ZSWIM5: variants seen among roughly 807,000 people sequenced by gnomAD.
The protein encoded by ZSWIM5 is zinc finger SWIM domain-containing protein 5.
Under a neutral mutation model 119.6 loss-of-function variants are expected in ZSWIM5, and 55 were observed. The ratio of observed to expected loss-of-function variants is 0.46; its 90% confidence interval spans 0.37 to 0.58. The LOEUF (loss-of-function observed/expected upper bound fraction) is 0.58. Among genes scored for constraint, ZSWIM5 ranks in the 20% least tolerant of loss-of-function variants. The pLI, the probability that ZSWIM5 is intolerant of heterozygous loss-of-function variation, is 0.00. For synonymous variants in ZSWIM5, 537 were observed against 606.9 expected (o/e 0.88, Z 1.69); for missense variants, 1,193 against 1,512.8 (o/e 0.79, Z 3.51).
At chr1:45,154,011 C>T (rs1645812874) in intron 1 of ZSWIM5, among the ~76,000 whole-genome samples, 1 of 151,936 alleles carries the variant, frequency 6.6e-6, no homozygotes, top group Admixed American at 6.6e-5. Context: ...GCTGGGAAAA[C>T]AATAAAATAC....
At position 45,204,157 on chromosome 1, in the gene ZSWIM5, T is replaced by C. The variant is rs116316437; in HGVS notation, c.595+1599A>G. 4.6e-3 allele frequency among the ~76,000 whole-genome samples: 700 copies of C among 152,280 alleles called. 8 individuals are homozygous for C. The highest frequency in any genetic ancestry group is 0.016 in the African/African-American group (659 of 41,582). On this transcript the variant is annotated intron_variant, in intron 1 of 13. Transcript: ENST00000359600. ...TTTAAAACTCTTCCTCTCTTTTATT[T>C]GTTCCCTCAAGTTTGAAAATTCTTC...
At position 45,018,658 on chromosome 1, in the gene ZSWIM5, G is replaced by C. The variant is rs373183135; in HGVS notation, c.3354C>G (p.Ala1118=). ...GGCGTGAGTGTGTAGTGTTGATATA[G>C]GCATTGATGGTGGCATCCAGCAACT... ...LRQLLDATIN[A]YINTTHSRLT... Residue 1118 remains alanine (A), a synonymous_variant, in exon 14 of 14, where the codon GCC becomes GCG. Coordinates refer to ENST00000359600, the MANE Select transcript of ZSWIM5 (RefSeq NM_020883.2). This position sits in a 1 kb window ranked among gnomAD's most constrained non-coding sequence, Gnocchi z 6.7. The C allele has an allele frequency of 1.5e-4, 236 of 1,614,254 alleles. No individual in the cohort carries two copies. In the African/African-American group the frequency reaches 2.7e-3, roughly 19 times the overall value.
chr1:45,203,858 A>G (rs1274602637), intron 1 of ZSWIM5, among the ~76,000 whole-genome samples: 1 of 152,120 alleles, frequency 6.6e-6, no homozygotes, highest in African/African-American at 2.4e-5. Context: ...CATAAACTTA[A>G]AGTGATAAAT....
intron 1 of ZSWIM5, among the ~76,000 whole-genome samples, chr1:45,094,415 T>A (rs372309181): frequency 5.3e-5 from 8 of 152,110 alleles, no homozygotes; most frequent in Non-Finnish European, 8.8e-5. Flanking sequence ...CCCAGGGTGA[T>A]CTCAAACTCT....
intron 2 of ZSWIM5, among the ~76,000 whole-genome samples, chr1:45,074,846 A>G (rs1645247038): frequency 6.6e-6 from 1 of 151,780 alleles, no homozygotes; most frequent in African/African-American, 2.4e-5. Context: ...TGATGTAGGT[A>G]CTTATAGCTA....
chr1:45,205,714 A>C, intron 1 of ZSWIM5, 42 bp downstream of exon 1: 1 of 1,488,642 alleles, frequency 6.7e-7, no homozygotes, highest in Non-Finnish European at 9.0e-7. Context: ...CACCCGCGGA[A>C]GAGGAGGCTG....
chr1:45,048,075 C>CTT lies in ZSWIM5; in HGVS notation c.1432+2997_1432+2998dup, dbSNP rs142365516. Among the ~76,000 whole-genome samples the CTT allele has an allele frequency of 1.2e-4, 2 of 17,344 alleles. 1 individual carries two copies. Among genetic ancestry groups the CTT allele is most frequent in the Non-Finnish European group, 1.9e-4 (2 of 10,316 alleles). The allele number at this position is 17,344 out of a possible 152,430, so 11.4% of individuals were successfully genotyped here. A position where few individuals can be genotyped will look rare whatever the true frequency, so the allele number is the denominator to read the frequency against. On this transcript the variant is annotated intron_variant, in intron 5 of 13. Coordinates refer to ENST00000359600, the MANE Select transcript of ZSWIM5 (RefSeq NM_020883.2). ...TTTCTTTCTTTCTTTCTTTCCTTTT[C>CTT]TTTTCTCTTTTTTTTTTTTTTTTTT... is the stretch of plus-strand genomic sequence containing the variant.
chr1:45,177,442 T>C (rs1645988167), intron 1 of ZSWIM5, among the ~76,000 whole-genome samples: 2 of 152,044 alleles, frequency 1.3e-5, no homozygotes, highest in South Asian at 2.1e-4. Flanking sequence ...GTAACAGCAA[T>C]AGAGCAATTT....
rs117804252 is a variant in ZSWIM5 at position 45,084,782 on chromosome 1, G to C, written c.952+3099C>G. Among the ~76,000 whole-genome samples the C allele has an allele frequency of 9.2e-5, 14 of 152,350 alleles. 1 individual carries two copies. The East Asian group carries it at 2.5e-3, about 27-fold the overall frequency. On this transcript the variant is annotated intron_variant, in intron 2 of 13. Transcript: ENST00000359600. ...GGGTAGGCACCTAAGGCCTTGAGCA[G>C]CTCCACCCCCTGAGAGCTCAGCTCC... is the stretch of plus-strand genomic sequence containing the variant.
chr1:45,092,535 T>TCCCC (rs1309993220), intron 1 of ZSWIM5, among the ~76,000 whole-genome samples: 10 of 47,556 alleles, frequency 2.1e-4, no homozygotes, highest in South Asian at 1.1e-3. Context: ...GACCTCGTGA[T>TCCCC]CCACCCCCCC....
chr1:45,186,903 AT>A (rs1265888734), intron 1 of ZSWIM5, among the ~76,000 whole-genome samples: 1 of 152,082 alleles, frequency 6.6e-6, no homozygotes, highest in Non-Finnish European at 1.5e-5. Context: ...CAATAACTTG[AT>A]TTTAGCCCAG....
chr1:45,141,048 G>A (rs1322651200), intron 1 of ZSWIM5, among the ~76,000 whole-genome samples: 1 of 152,106 alleles, frequency 6.6e-6, no homozygotes, highest in East Asian at 1.9e-4. Context: ...GAGAGAGTGT[G>A]AAAAATCCCC....
At chr1:45,041,038 A>T (rs1437643102) in intron 6 of ZSWIM5, among the ~76,000 whole-genome samples, 2 of 152,232 alleles carry the variant, frequency 1.3e-5, no homozygotes, top group Non-Finnish European at 2.9e-5. Context: ...AACATGATAG[A>T]AATATATACA....
chr1:45,162,663 G>A lies in ZSWIM5; in HGVS notation c.595+43093C>T, dbSNP rs1230157344. On this transcript the variant is annotated intron_variant, in intron 1 of 13. Transcript: ENST00000359600. ...AACGATCTTAGCAAACAGCACACCAGGAGATTATATCCCGTGCCTGGCTTG... is the reference window on the plus strand; with the variant it reads ...AACGATCTTAGCAAACAGCACACCAAGAGATTATATCCCGTGCCTGGCTTG... Among the ~76,000 whole-genome samples, 3 of 152,238 alleles carry A rather than the reference G, an allele frequency of 2.0e-5. No homozygotes were observed. In the East Asian group the frequency reaches 5.8e-4, roughly 29 times the overall value.
intron 2 of ZSWIM5, among the ~76,000 whole-genome samples, chr1:45,084,389 CT>C (rs1194033532): frequency 2.0e-5 from 3 of 152,138 alleles, no homozygotes; most frequent in East Asian, 1.9e-4. Flanking sequence ...CATTCTGCCC[CT>C]GGCCCCTTCT....
At chr1:45,042,562 G>A (rs1441013357) in intron 6 of ZSWIM5, among the ~76,000 whole-genome samples, 2 of 152,114 alleles carry the variant, frequency 1.3e-5, no homozygotes, top group Admixed American at 6.6e-5. Context: ...ATGGAGGCAG[G>A]GAATTGGGAG....
In ZSWIM5 at chr1:45,164,344, C is replaced by T. The variant is rs544239104; in HGVS notation, c.595+41412G>A. On this transcript the variant is annotated intron_variant, in intron 1 of 13. Transcript: ENST00000359600. ...AGCACTAAACATGGAAAGGAACAACCGGTACCAGCCACTGCAAAAACATGA... is the reference window on the plus strand; with the variant it reads ...AGCACTAAACATGGAAAGGAACAACTGGTACCAGCCACTGCAAAAACATGA... Among the ~76,000 whole-genome samples the T allele has an allele frequency of 1.7e-3, 257 of 151,488 alleles. 1 individual carries two copies. The highest frequency in any genetic ancestry group is 3.1e-3 in the Non-Finnish European group (211 of 67,524).
At chr1:45,020,486 C>T (rs767879741) in intron 12 of ZSWIM5, 139 bp downstream of exon 12, 18 of 1,079,214 alleles carry the variant, frequency 1.7e-5, no homozygotes, top group South Asian at 4.7e-5. Context: ...CTTGCCTTTT[C>T]CCTAGCCTAG....
chr1:45,033,926 G>C (rs145969444), intron 11 of ZSWIM5, among the ~76,000 whole-genome samples: 7 of 151,470 alleles, frequency 4.6e-5, no homozygotes, highest in African/African-American at 1.7e-4. Flanking sequence ...GCAGTGGCAC[G>C]ATCTTGGCTC....
Sources: gnomAD v4.1 joint callset for allele counts (sites outside exome capture counted in the v4.1 genomes callset) on GRCh38, gnomAD v4.1.1 for gene constraint, Gnocchi (gnomAD v3.1) non-coding constraint, MANE v1.5 for transcripts, NCBI Gene and HGNC (gene_info 2026-07-23, HGNC 2026-07-21) for gene names.